Variants in RAB38 observed in about 807,000 individuals in gnomAD.
RAB38 encodes the protein ras-related protein Rab-38.
A neutral mutation model predicts 18.4 loss-of-function variants in RAB38; 15 were observed. The observed-to-expected ratio is 0.82, with a 90% CI of 0.55 to 1.26. The LOEUF is 1.26. RAB38 is among the 50% of genes most tolerant of loss of function. The pLI, the probability that RAB38 is intolerant of heterozygous loss-of-function variation, is 0.00. For synonymous variants in RAB38, 101 were observed against 104.4 expected (o/e 0.97, Z 0.20); for missense variants, 294 against 267.4 (o/e 1.10, Z -0.69).
chr11:88,157,579 A>AT (rs1943141304), intron 1 of RAB38, among the ~76,000 whole-genome samples: 1 of 152,208 alleles, frequency 6.6e-6, no homozygotes, highest in Admixed American at 6.5e-5. Context: ...AAGATTGAAC[A>AT]CATGCCCAGA....
chr11:87,957,429 G>T, the RAB38 span, among the ~76,000 whole-genome samples: 6,976 of 152,180 alleles, frequency 0.046, 221 homozygotes, highest in Non-Finnish European at 0.066. Context: ...TTTAACCAGG[G>T]TTTTATGTGA....
the RAB38 span, among the ~76,000 whole-genome samples, chr11:87,961,516 A>C: frequency 2.6e-5 from 4 of 152,114 alleles, no homozygotes; most frequent in African/African-American, 9.7e-5. Context: ...TCATCCCCCA[A>C]CATCAGGATC....
the RAB38 span, among the ~76,000 whole-genome samples, chr11:88,099,710 T>C: frequency 7.9e-5 from 12 of 151,962 alleles, no homozygotes; most frequent in African/African-American, 2.6e-4. Context: ...CCAGTGATAT[T>C]TGATATCCTC....
the RAB38 span, among the ~76,000 whole-genome samples, chr11:87,810,163 C>G: frequency 6.6e-6 from 1 of 152,102 alleles, no homozygotes; most frequent in South Asian, 2.1e-4. Context: ...TCTTTTTTTA[C>G]TTCTATTTTC....
the RAB38 span, among the ~76,000 whole-genome samples, chr11:88,026,944 A>T: frequency 6.6e-6 from 1 of 152,172 alleles, no homozygotes; most frequent in African/African-American, 2.4e-5. Context: ...ATTGGCCTGG[A>T]TACTCATTTT....
At chr11:88,175,117 C>T (rs1010305738) in intron 1 of RAB38, 66 bp downstream of exon 1, 5 of 1,460,072 alleles carry the variant, frequency 3.4e-6, no homozygotes, top group African/African-American at 2.8e-5. Flanking sequence ...CCGCAAGCCG[C>T]TGCCTCGAGA....
the RAB38 span, among the ~76,000 whole-genome samples, chr11:88,040,476 G>A: frequency 6.6e-6 from 1 of 152,122 alleles, no homozygotes. Context: ...AGCACTTTGG[G>A]AGGGCCAGGA....
chr11:87,885,869 C>CA, the RAB38 span, among the ~76,000 whole-genome samples: 1 of 151,922 alleles, frequency 6.6e-6, no homozygotes, highest in East Asian at 1.9e-4. Flanking sequence ...GGGATGGGGG[C>CA]AAAAATTACA....
chr11:88,141,693 T>TG (rs556247108), intron 2 of RAB38, among the ~76,000 whole-genome samples: 465 of 152,338 alleles, frequency 3.1e-3, no homozygotes, highest in South Asian at 5.4e-3. Context: ...CGCAAAGCTT[T>TG]GCTCTCTGTT....
At chr11:88,052,925 TATATATATA>T in the RAB38 span, among the ~76,000 whole-genome samples, 165 of 25,076 alleles carry the variant, frequency 6.6e-3, 11 homozygotes, top group African/African-American at 0.032. Flanking sequence ...TATATATATA[TATATATATA>T]TATATATATA....
the RAB38 span, among the ~76,000 whole-genome samples, chr11:87,923,547 C>CTGTGTG: frequency 3.7e-4 from 55 of 146,972 alleles, no homozygotes; most frequent in African/African-American, 8.4e-4. Context: ...TCAATTAATT[C>CTGTGTG]TGTGTGTGTG....
At chr11:88,149,274 T>A (rs765211004) in intron 2 of RAB38, among the ~76,000 whole-genome samples, 2 of 152,224 alleles carry the variant, frequency 1.3e-5, no homozygotes, top group East Asian at 3.8e-4. Context: ...CAGGTGAACA[T>A]ATTAAATATT....
chr11:87,974,207 TGTAA>T, the RAB38 span, among the ~76,000 whole-genome samples: 17,804 of 151,650 alleles, frequency 0.12, 1,689 homozygotes, highest in East Asian at 0.35. Context: ...AACAAGCTGA[TGTAA>T]GTATGTTCTC....
the RAB38 span, among the ~76,000 whole-genome samples, chr11:88,013,507 A>G: frequency 7.2e-5 from 11 of 152,178 alleles, no homozygotes; most frequent in African/African-American, 2.7e-4. Flanking sequence ...AATGACTAAT[A>G]GCATAAAAAG....
chr11:88,049,553 C>T, the RAB38 span, among the ~76,000 whole-genome samples: 5 of 152,160 alleles, frequency 3.3e-5, no homozygotes, highest in Non-Finnish European at 7.3e-5. Context: ...CGGACTCAGC[C>T]CGCCTGCACC....
At chr11:88,132,577 C>A (rs998105630) in intron 2 of RAB38, among the ~76,000 whole-genome samples, 8 of 152,190 alleles carry the variant, frequency 5.3e-5, no homozygotes, top group African/African-American at 1.9e-4. Flanking sequence ...CCTGCCTCAG[C>A]CTCACGAGTA....
the RAB38 span, among the ~76,000 whole-genome samples, chr11:87,904,851 A>G: frequency 6.6e-6 from 1 of 151,368 alleles, no homozygotes. Context: ...TATTGGTGTG[A>G]TTTTCTTTGC....
chr11:87,848,017 C>T, the RAB38 span, among the ~76,000 whole-genome samples: 2 of 152,108 alleles, frequency 1.3e-5, no homozygotes, highest in African/African-American at 4.8e-5. Context: ...GAGTTTTATT[C>T]TATTAAACCA....
At chr11:87,938,636 T>TTTGTTG in the RAB38 span, among the ~76,000 whole-genome samples, 1 of 128,612 alleles carries the variant, frequency 7.8e-6, no homozygotes, top group African/African-American at 3.1e-5. Flanking sequence ...TTTTTTTGAT[T>TTTGTTG]TTGTTGTTGT....
Sources: gnomAD v4.1 joint callset for allele counts (sites outside exome capture counted in the v4.1 genomes callset) on GRCh38, gnomAD v4.1.1 for gene constraint, MANE v1.5 for transcripts, NCBI Gene and HGNC (gene_info 2026-07-23, HGNC 2026-07-21) for gene names.